Variants in NME9 observed in about 807,000 individuals in gnomAD.
NME9 encodes the protein NME/NM23 family member 9.
In NME9, 48 loss-of-function variants were observed where a neutral mutation model predicts 44.4. The ratio of observed to expected loss-of-function variants is 1.08; its 90% CI spans 0.86 to 1.37. NME9 has a LOEUF of 1.37. NME9 is among the 40% of genes most tolerant of loss of function. The pLI is 0.00. For missense variants in NME9, 325 were observed against 405.2 expected, an observed-to-expected ratio of 0.80 and a Z score of 1.70; for synonymous variants, 139 against 147.1, an observed-to-expected ratio of 0.94 and a Z score of 0.40.
At chr3:138,287,132 C>T (rs1006988759) in intron 8 of NME9, among the ~76,000 whole-genome samples, 2 of 152,214 alleles carry the variant, frequency 1.3e-5, no homozygotes, top group Non-Finnish European at 2.9e-5. Flanking sequence ...TTCAGCCCAA[C>T]TGGTCTTCTA....
chr3:138,272,850 C>A, intron 8 of NME9: 2 of 917,720 alleles, frequency 2.2e-6, no homozygotes, highest in South Asian at 2.7e-5. Context: ...CCAGCCTGGG[C>A]GACAGAGCAA....
intron 8 of NME9, among the ~76,000 whole-genome samples, chr3:138,271,540 CA>C (rs1387723622): frequency 6.6e-6 from 1 of 152,178 alleles, no homozygotes; most frequent in Non-Finnish European, 1.5e-5. Context: ...TTTCACTCCT[CA>C]AATCTGTACA....
chr3:138,291,696 G>A (rs1227466993), intron 8 of NME9, among the ~76,000 whole-genome samples: 1 of 152,204 alleles, frequency 6.6e-6, no homozygotes, highest in Non-Finnish European at 1.5e-5. Context: ...TCTCTCTGAG[G>A]ATGACATGAT....
chr3:138,273,241 A>C, intron 8 of NME9: 1 of 1,055,040 alleles, frequency 9.5e-7, no homozygotes, highest in Non-Finnish European at 1.4e-6. Flanking sequence ...CCCCCTTCCA[A>C]AGAAACAAGG....
At chr3:138,294,838 G>A (rs1283758857) in intron 8 of NME9, among the ~76,000 whole-genome samples, 2 of 152,018 alleles carry the variant, frequency 1.3e-5, no homozygotes, top group Non-Finnish European at 2.9e-5. Context: ...GATCAGGATA[G>A]ATTAAGTCAC....
At chr3:138,296,744 G>A (rs541963115), downstream of NME9, 1 of 152,268 alleles carries the variant, frequency 6.6e-6, no homozygotes, top group Non-Finnish European at 1.5e-5. Flanking sequence ...ATTCACCATA[G>A]GCTTTTTGAA....
rs756462769 is a variant in NME9 at position 138,329,302 on chromosome 3, C to T, written c.33+1G>A. ...GGAAGCTAGCGCCCCTTGAGGCTTA[C>T]CTGCAGGGCAATTTCCTTCTTCCTG... On this transcript the variant is annotated splice_donor_variant, in intron 1 of 10. Coordinates refer to ENST00000333911, the MANE Select transcript of NME9 (RefSeq NM_001349018.2). LOFTEE classifies it high-confidence loss of function. The T allele has an allele frequency of 1.3e-6, 2 of 1,536,020 alleles. No homozygotes were observed. The highest frequency in any genetic ancestry group is 2.4e-5 in the South Asian group (2 of 84,050).
intron 8 of NME9, chr3:138,263,456 C>T (rs891341249): frequency 2.5e-6 from 1 of 400,384 alleles, no homozygotes; most frequent in Non-Finnish European, 4.6e-6. Flanking sequence ...CATAACACCT[C>T]TGCAGTACTT....
intron 6 of NME9, among the ~76,000 whole-genome samples, chr3:138,310,228 T>C (rs2052599883): frequency 6.6e-6 from 1 of 151,986 alleles, no homozygotes; most frequent in African/African-American, 2.4e-5. Context: ...ATTATAAATA[T>C]CTACCCAACA....
At chr3:138,303,467 C>G (rs777466950) in intron 10 of NME9, 40 bp downstream of exon 10, 19 of 1,549,942 alleles carry the variant, frequency 1.2e-5, no homozygotes, top group Non-Finnish European at 1.6e-5. Context: ...TTCCTTGTAT[C>G]TATGATTTAA....
chr3:138,326,126 T>G (rs2053770441), intron 1 of NME9, among the ~76,000 whole-genome samples: 1 of 152,224 alleles, frequency 6.6e-6, no homozygotes, highest in Admixed American at 6.5e-5. Context: ...AGAATGTCCC[T>G]CAGTTGGGGC....
At chr3:138,273,881 G>A (rs1221345103) in intron 8 of NME9, among the ~76,000 whole-genome samples, 1 of 150,988 alleles carries the variant, frequency 6.6e-6, no homozygotes, top group East Asian at 1.9e-4. Flanking sequence ...CAGTGGCACA[G>A]TCTCCGGTCA....
At chr3:138,307,242 T>TC (rs1012259319) in intron 6 of NME9, among the ~76,000 whole-genome samples, 6 of 152,154 alleles carry the variant, frequency 3.9e-5, no homozygotes, top group African/African-American at 1.4e-4. Flanking sequence ...CATCCACCAG[T>TC]CCAATTAGCT....
intron 1 of NME9, among the ~76,000 whole-genome samples, chr3:138,326,646 G>T (rs1481735443): frequency 1.3e-5 from 2 of 151,674 alleles, no homozygotes; most frequent in Admixed American, 1.3e-4. Flanking sequence ...TGTTGGCCAG[G>T]CTGGTCGTGA....
chr3:138,264,351 A>C (rs911778768), intron 8 of NME9: 5 of 525,078 alleles, frequency 9.5e-6, no homozygotes, highest in Non-Finnish European at 1.7e-5. Context: ...CTCAAATCTG[A>C]TATTCTAAGC....
chr3:138,318,345 G>A, intron 3 of NME9, 126 bp from the exon 4 acceptor site: 1 of 695,984 alleles, frequency 1.4e-6, no homozygotes, highest in South Asian at 1.6e-5. Context: ...GCCCCGATTT[G>A]CTCTCATGCT....
chr3:138,290,578 A>G (rs769690540), intron 8 of NME9: 6 of 1,607,554 alleles, frequency 3.7e-6, no homozygotes, highest in South Asian at 2.2e-5. Flanking sequence ...ATTACGAGAC[A>G]TGGGCATCGT....
chr3:138,319,430 A>C (rs780320879), intron 3 of NME9, 48 bp downstream of exon 3: 1 of 1,117,024 alleles, frequency 9.0e-7, no homozygotes, highest in Non-Finnish European at 1.4e-6. Flanking sequence ...TAAATTTTTA[A>C]ATTCTTTTTA....
chr3:138,319,985 G>C (rs1475936184), intron 2 of NME9, among the ~76,000 whole-genome samples: 1 of 152,140 alleles, frequency 6.6e-6, no homozygotes, highest in Non-Finnish European at 1.5e-5. Context: ...TGACTTTTAT[G>C]TAATCCTTTG....
Sources: gnomAD v4.1 joint callset for allele counts (sites outside exome capture counted in the v4.1 genomes callset) on GRCh38, gnomAD v4.1.1 for gene constraint, MANE v1.5 for transcripts, NCBI Gene and HGNC (gene_info 2026-07-23, HGNC 2026-07-21) for gene names.